KSR2: variants seen among roughly 807,000 people sequenced by gnomAD.
KSR2 encodes the protein kinase suppressor of ras 2.
Under a neutral mutation model 107.8 loss-of-function variants are expected in KSR2, and 25 were observed. That is an observed-to-expected ratio of 0.23 (90% CI 0.17 to 0.32). The LOEUF (loss-of-function observed/expected upper bound fraction) is 0.32. KSR2 is among the 10% of genes least tolerant of loss of function. The pLI, the probability that KSR2 is intolerant of heterozygous loss-of-function variation, is 1.00. For missense variants in KSR2, 887 were observed against 1,268.9 expected (o/e 0.70, Z 4.57); for synonymous variants, 480 against 507.0 (o/e 0.95, Z 0.71).
chr12:117,844,979 T>C (rs1383545896), intron 3 of KSR2, among the ~76,000 whole-genome samples: 1 of 152,160 alleles, frequency 6.6e-6, no homozygotes, highest in African/African-American at 2.4e-5. Flanking sequence ...ACCCCGTCTC[T>C]ACTAAAAATA....
chr12:117,858,666 G>A (rs1031043239), intron 2 of KSR2, among the ~76,000 whole-genome samples: 1 of 152,190 alleles, frequency 6.6e-6, no homozygotes, highest in African/African-American at 2.4e-5. Flanking sequence ...GCTCTGGGGG[G>A]ACCCAGGCAA....
chr12:117,936,616 C>G lies in KSR2; in HGVS notation c.180+31460G>C, dbSNP rs145840252. Among the ~76,000 whole-genome samples, 922 of 151,672 alleles carry G rather than the reference C, an allele frequency of 6.1e-3. 11 individuals are homozygous for G. The highest frequency in any genetic ancestry group is 0.02 in the African/African-American group (841 of 41,338). On this transcript the variant is annotated intron_variant, in intron 1 of 19. Transcript: ENST00000339824. ...TTGTTGCTCAGGCTGGTCTTGAACT[C>G]CTGAGAGATGGTCCCATCTTGGCCT...
intron 1 of KSR2, among the ~76,000 whole-genome samples, chr12:117,944,307 C>T (rs541453408): frequency 1.4e-3 from 219 of 152,234 alleles, no homozygotes; most frequent in Non-Finnish European, 1.7e-3. Flanking sequence ...ACCCGGGAGA[C>T]GGAGGTTGCG....
intron 1 of KSR2, among the ~76,000 whole-genome samples, chr12:117,885,593 C>T (rs1287753873): frequency 1.4e-5 from 2 of 147,914 alleles, no homozygotes; most frequent in South Asian, 4.2e-4. Context: ...TATGTGCATG[C>T]TTATATACCT....
chr12:117,633,829 C>T (rs867601292), intron 5 of KSR2, among the ~76,000 whole-genome samples: 20 of 152,120 alleles, frequency 1.3e-4, no homozygotes, highest in Admixed American at 3.3e-4. Context: ...CTACTCAACC[C>T]GGTACAGGGA....
At chr12:117,706,984 A>G (rs1886553625) in intron 4 of KSR2, among the ~76,000 whole-genome samples, 1 of 152,244 alleles carries the variant, frequency 6.6e-6, no homozygotes, top group Non-Finnish European at 1.5e-5. Context: ...CTGGATAAAC[A>G]AAATGTGCTA....
chr12:117,859,465 T>TTA (rs1566054289), intron 2 of KSR2, among the ~76,000 whole-genome samples: 5 of 150,282 alleles, frequency 3.3e-5, no homozygotes, highest in African/African-American at 1.2e-4. Flanking sequence ...TTATTTATTT[T>TTA]TTTTTTTTTG....
At chr12:117,626,758 C>T (rs1882542574) in intron 5 of KSR2, among the ~76,000 whole-genome samples, 1 of 152,092 alleles carries the variant, frequency 6.6e-6, no homozygotes, top group South Asian at 2.1e-4. Context: ...CCTGGATATC[C>T]TTGGTAACCT....
intron 12 of KSR2, among the ~76,000 whole-genome samples, chr12:117,527,595 T>G (rs904248143): frequency 3.9e-5 from 6 of 152,240 alleles, no homozygotes; most frequent in Admixed American, 3.9e-4. Flanking sequence ...GTGTTCTTGT[T>G]TGTCTGTTCA....
intron 12 of KSR2, among the ~76,000 whole-genome samples, chr12:117,527,674 T>C (rs961687478): frequency 6.6e-6 from 1 of 152,184 alleles, no homozygotes; most frequent in Non-Finnish European, 1.5e-5. Flanking sequence ...TGGAGGGATA[T>C]AGAATTGAAA....
At chr12:117,595,351 C>CTTTTTTTTTTT (rs71099060) in intron 5 of KSR2, among the ~76,000 whole-genome samples, 2 of 94,584 alleles carry the variant, frequency 2.1e-5, no homozygotes, top group African/African-American at 8.6e-5. Flanking sequence ...AGATCAAATT[C>CTTTTTTTTTTT]TTTTTTTTTT....
At chr12:117,783,222 A>G (rs2136950201) in intron 3 of KSR2, among the ~76,000 whole-genome samples, 1 of 152,172 alleles carries the variant, frequency 6.6e-6, no homozygotes, top group African/African-American at 2.4e-5. Context: ...AGTTATTAAT[A>G]TTTTCTTGAT....
chr12:117,486,712 G>A lies in KSR2; in HGVS notation c.2220-1021C>T, dbSNP rs757364914. Among the ~76,000 whole-genome samples, 8 of 152,170 alleles carry A rather than the reference G, an allele frequency of 5.3e-5. 1 individual carries two copies. Among genetic ancestry groups the A allele is most frequent in the Non-Finnish European group, 1.2e-4 (8 of 68,042 alleles). On this transcript the variant is annotated intron_variant, in intron 14 of 19. Transcript: ENST00000339824. The stretch of plus-strand genomic sequence containing the variant: ...TTCCTGTGGTTGAAGCAAGAGCGCT[G>A]GCATCAGAGGGATCTCAGAATCCCA...
At chr12:117,967,068 A>T (rs1896820031) in intron 1 of KSR2, among the ~76,000 whole-genome samples, 1 of 152,146 alleles carries the variant, frequency 6.6e-6, no homozygotes, top group South Asian at 2.1e-4. Context: ...AACCCTTCAA[A>T]CATTTTGAAC....
chr12:117,866,454 T>C (rs2137267707), intron 1 of KSR2, among the ~76,000 whole-genome samples: 1 of 152,368 alleles, frequency 6.6e-6, no homozygotes, highest in East Asian at 1.9e-4. Context: ...CTTCATTGCC[T>C]TCCATTTATG....
In KSR2 at chr12:117,530,932, C is replaced by G. The variant is rs1202587536; in HGVS notation, c.1802+9G>C. The G allele has an allele frequency of 6.2e-7, 1 of 1,613,228 alleles. No individual in the cohort carries two copies. The highest frequency in any genetic ancestry group is 1.1e-5 in the South Asian group (1 of 90,988). ...TGGGAAAGGGGGAAGATGTCTCTGTCTCACTTACATTGGATTCGAGGTCAC... is the reference window on the plus strand; with the variant it reads ...TGGGAAAGGGGGAAGATGTCTCTGTGTCACTTACATTGGATTCGAGGTCAC... On this transcript the variant is annotated intron_variant, in intron 12 of 19. Transcript: ENST00000339824.
At chr12:117,479,812 C>T (rs569142271) in intron 16 of KSR2, among the ~76,000 whole-genome samples, 2 of 152,312 alleles carry the variant, frequency 1.3e-5, no homozygotes, top group Non-Finnish European at 2.9e-5. Context: ...GCTCTTGCTT[C>T]TAGAATCAGG....
At chr12:117,775,608 G>T (rs1889658751) in intron 3 of KSR2, among the ~76,000 whole-genome samples, 1 of 152,204 alleles carries the variant, frequency 6.6e-6, no homozygotes, top group African/African-American at 2.4e-5. Context: ...TCTCTTGGCT[G>T]CTATAAACAT....
At chr12:117,670,829 C>T (rs1446764152) in intron 4 of KSR2, among the ~76,000 whole-genome samples, 3 of 152,144 alleles carry the variant, frequency 2.0e-5, no homozygotes, top group Non-Finnish European at 4.4e-5. Flanking sequence ...GGCAAAGCTG[C>T]CCCTCACAGA....
Sources: gnomAD v4.1 joint callset for allele counts (sites outside exome capture counted in the v4.1 genomes callset) on GRCh38, gnomAD v4.1.1 for gene constraint, MANE v1.5 for transcripts, NCBI Gene and HGNC (gene_info 2026-07-23, HGNC 2026-07-21) for gene names.